Variants in MITD1 observed in about 807,000 individuals in gnomAD.
The protein encoded by MITD1 is microtubule interacting and trafficking domain containing 1.
In MITD1, 24 loss-of-function variants were observed where a neutral mutation model predicts 34.9. That is an observed-to-expected ratio of 0.69 (90% CI 0.50 to 0.97). The LOEUF (loss-of-function observed/expected upper bound fraction) is 0.97, where lower values mean the gene tolerates loss of function less well. Among genes scored for constraint, MITD1 ranks in the 50% least tolerant of loss-of-function variants. The pLI, the probability that MITD1 is intolerant of heterozygous loss-of-function variation, is 0.00. For synonymous variants in MITD1, 102 were observed against 101.4 expected, an observed-to-expected ratio of 1.01 and a Z score of -0.04; for missense variants, 266 against 294.6, an observed-to-expected ratio of 0.90 and a Z score of 0.71.
intron 7 of MITD1, chr2:99,163,203 A>C (rs1480056554): frequency 1.7e-6 from 1 of 579,372 alleles, no homozygotes; most frequent in Non-Finnish European, 2.8e-6. Flanking sequence ...AAAACACAAC[A>C]ACCTAGTCTC....
At chr2:99,165,374 C>T (rs192874480), downstream of MITD1, among the ~76,000 whole-genome samples, 3 of 152,142 alleles carry the variant, frequency 2.0e-5, no homozygotes, top group Non-Finnish European at 4.4e-5. Context: ...GCCTTTACTC[C>T]TAGATTTCTT....
In MITD1 at chr2:99,171,652, A is replaced by G. The variant is rs768021102; in HGVS notation, c.254-6T>C. The G allele has an allele frequency of 6.2e-7, 1 of 1,612,084 alleles. No homozygotes were observed. The highest frequency in any genetic ancestry group is 1.1e-5 in the South Asian group (1 of 90,566). On this transcript the variant is annotated splice_polypyrimidine_tract_variant and splice_region_variant and intron_variant, in intron 2 of 6. Transcript: ENST00000289359. ...TTGCTTGTGATATTTTCCATCTATA[A>G]AACACAGGCTTCAACAGTAAAACCA...
chr2:99,177,509 CAG>C (rs1181100417), intron 1 of MITD1, among the ~76,000 whole-genome samples: 1 of 152,100 alleles, frequency 6.6e-6, no homozygotes, highest in African/African-American at 2.4e-5. Flanking sequence ...ATGATCAAAT[CAG>C]GGTAATTAGG....
chr2:99,174,651 C>T (rs1433337625), intron 1 of MITD1, among the ~76,000 whole-genome samples: 1 of 152,148 alleles, frequency 6.6e-6, no homozygotes, highest in Non-Finnish European at 1.5e-5. Context: ...AGTGCAGTGG[C>T]ATGATCTCGG....
downstream of MITD1, among the ~76,000 whole-genome samples, chr2:99,167,755 G>GT (rs1163186838): frequency 6.6e-6 from 1 of 152,140 alleles, no homozygotes; most frequent in Non-Finnish European, 1.5e-5. Context: ...TTGTTCAAGT[G>GT]TTTTCCTGAG....
chr2:99,165,057 C>CAT (rs1463922552), downstream of MITD1, among the ~76,000 whole-genome samples: 14 of 122,914 alleles, frequency 1.1e-4, no homozygotes, highest in East Asian at 5.6e-4. Context: ...CACACACACA[C>CAT]ACACATATAT....
downstream of MITD1, among the ~76,000 whole-genome samples, chr2:99,164,545 T>TA (rs60992070): frequency 0.58 from 87,660 of 151,842 alleles, 26,240 homozygotes; most frequent in East Asian, 0.88. Flanking sequence ...CCCATCCTTT[T>TA]TTTATTTTTA....
At chr2:99,177,034 T>G (rs1327814814) in intron 1 of MITD1, among the ~76,000 whole-genome samples, 2 of 152,218 alleles carry the variant, frequency 1.3e-5, no homozygotes, top group African/African-American at 2.4e-5. Flanking sequence ...TATTTGTTTC[T>G]GTCCATCTAT....
chr2:99,169,251 T>C (rs2093841469), downstream of MITD1: 1 of 563,996 alleles, frequency 1.8e-6, no homozygotes, highest in Non-Finnish European at 3.1e-6. Flanking sequence ...AACTGAATGA[T>C]GGATCCATAA....
intron 1 of MITD1, among the ~76,000 whole-genome samples, chr2:99,176,179 T>C (rs1490968241): frequency 6.6e-6 from 1 of 152,188 alleles, no homozygotes; most frequent in Non-Finnish European, 1.5e-5. Flanking sequence ...CTCGAACTCC[T>C]GGGCTCAGGC....
rs566698853 is a variant in MITD1 at position 99,170,309 on chromosome 2, T to C, written c.593+228A>G. On this transcript the variant is annotated intron_variant, in intron 5 of 6. Coordinates refer to ENST00000289359, the MANE Select transcript of MITD1 (RefSeq NM_138798.3). ...ATGACACAGAACATGTAAATACTAT[T>C]CCATTAGGAAATATTAAACTCACAC... 8.5e-5 allele frequency among the ~76,000 whole-genome samples: 13 copies of C among 152,264 alleles called. No homozygotes were observed. The East Asian group carries it at 2.5e-3, about 29-fold the overall frequency.
intron 2 of MITD1, 114 bp from the exon 3 acceptor site, chr2:99,171,760 T>C: frequency 1.0e-6 from 1 of 986,410 alleles, no homozygotes; most frequent in Non-Finnish European, 1.5e-6. Flanking sequence ...TTTTAACTTA[T>C]TCAGCAAATA....
At chr2:99,178,581 G>C (rs1417008629) in intron 1 of MITD1, among the ~76,000 whole-genome samples, 1 of 152,180 alleles carries the variant, frequency 6.6e-6, no homozygotes, top group Non-Finnish European at 1.5e-5. Context: ...AAGGAGGACA[G>C]GGAGTGCTGG....
intron 7 of MITD1, chr2:99,162,700 T>G: frequency 6.2e-7 from 1 of 1,614,162 alleles, no homozygotes. Context: ...ATTCACCTAA[T>G]AAACCCAACG....
rs764229978 is a variant in MITD1, at chr2:99,169,402, A to G, written c.723T>C (p.Phe241=). ...ATATATTTTTTGTATGCTTCTTATG[A>G]AAAATGTCTACTGTTGTTTCATGAC... The part of the protein sequence containing the change: ...RPCHETTVDI[F]HKKHTKNI Residue 241 remains phenylalanine, a synonymous_variant, in exon 7 of 7, where the codon TTT becomes TTC. Coordinates refer to ENST00000289359, the MANE Select transcript of MITD1 (RefSeq NM_138798.3). 3.8e-6 allele frequency: 6 copies of G among 1,599,092 alleles called. No individual in the cohort carries two copies. The South Asian group carries it at 6.7e-5, about 18-fold the overall frequency.
chr2:99,167,654 T>G (rs967797743), downstream of MITD1, among the ~76,000 whole-genome samples: 1 of 152,328 alleles, frequency 6.6e-6, no homozygotes, highest in Middle Eastern at 3.4e-3. Context: ...CTTACCTTAA[T>G]TAAGAGCCAC....
chr2:99,170,063 C>G (rs941090226), intron 5 of MITD1, among the ~76,000 whole-genome samples: 2 of 152,164 alleles, frequency 1.3e-5, no homozygotes, highest in African/African-American at 4.8e-5. Context: ...TTGCTATAAA[C>G]ATAACCACTG....
intron 2 of MITD1, chr2:99,173,622 G>C (rs1035166678): frequency 7.4e-5 from 35 of 470,510 alleles, no homozygotes; most frequent in Non-Finnish European, 1.0e-4. Context: ...AGGGATTTGT[G>C]AACCCCTTAA....
chr2:99,174,592 TTTTG>T (rs1177217279), intron 1 of MITD1, among the ~76,000 whole-genome samples: 3 of 152,166 alleles, frequency 2.0e-5, no homozygotes, highest in Non-Finnish European at 2.9e-5. Flanking sequence ...TAATCTCATT[TTTTG>T]TTTGTTTGTT....
Sources: allele counts gnomAD v4.1 joint callset (sites outside exome capture counted in the v4.1 genomes callset), GRCh38; gene constraint gnomAD v4.1.1; transcripts MANE v1.5; gene names NCBI Gene and HGNC (gene_info 2026-07-23, HGNC 2026-07-21).